PDGFC: variants seen among roughly 807,000 people sequenced by gnomAD.
The protein encoded by PDGFC is platelet derived growth factor C.
Under a neutral mutation model 35.5 loss-of-function variants are expected in PDGFC, and 12 were observed. That is an observed-to-expected ratio of 0.34 (90% CI 0.22 to 0.55). The LOEUF is 0.55. Among genes scored for constraint, PDGFC ranks in the 20% least tolerant of loss-of-function variants. The pLI, the probability that PDGFC is intolerant of heterozygous loss-of-function variation, is 0.91. For missense variants in PDGFC, 322 were observed against 412.4 expected (o/e 0.78, Z 1.90); for synonymous variants, 159 against 148.8 (o/e 1.07, Z -0.50).
At chr4:156,919,948 G>A (rs570870664) in intron 1 of PDGFC, among the ~76,000 whole-genome samples, 35 of 152,218 alleles carry the variant, frequency 2.3e-4, no homozygotes, top group Middle Eastern at 3.4e-3. Context: ...TGAATGGATT[G>A]GTGTCCTCCC....
intron 3 of PDGFC, among the ~76,000 whole-genome samples, chr4:156,793,652 T>A (rs918717202): frequency 2.0e-5 from 3 of 150,906 alleles, no homozygotes; most frequent in Non-Finnish European, 3.0e-5. Flanking sequence ...AAAAATTTTT[T>A]AAATACCAAT....
intron 2 of PDGFC, among the ~76,000 whole-genome samples, chr4:156,821,113 G>A (rs1732240296): frequency 2.0e-5 from 3 of 151,954 alleles, no homozygotes; most frequent in East Asian, 1.9e-4. Flanking sequence ...GGACAAGATG[G>A]CTTGGAGTAT....
At chr4:156,804,482 A>G (rs1474647615) in intron 3 of PDGFC, among the ~76,000 whole-genome samples, 1 of 151,778 alleles carries the variant, frequency 6.6e-6, no homozygotes, top group Non-Finnish European at 1.5e-5. Context: ...TTGCTTATTG[A>G]TTTTTTTCTT....
intron 1 of PDGFC, among the ~76,000 whole-genome samples, chr4:156,886,318 T>A (rs1430023448): frequency 1.3e-5 from 2 of 152,202 alleles, no homozygotes; most frequent in Non-Finnish European, 2.9e-5. Flanking sequence ...TTGCAATAAG[T>A]GCAGTATTCC....
chr4:156,851,370 A>C (rs1729447638), intron 1 of PDGFC, among the ~76,000 whole-genome samples: 1 of 152,234 alleles, frequency 6.6e-6, no homozygotes, highest in Non-Finnish European at 1.5e-5. Flanking sequence ...AGTATAGTAC[A>C]AAATGGCTTC....
intron 1 of PDGFC, among the ~76,000 whole-genome samples, chr4:156,866,116 C>T (rs1729835105): frequency 6.6e-6 from 1 of 152,118 alleles, no homozygotes; most frequent in African/African-American, 2.4e-5. Flanking sequence ...CTGCCCCCAC[C>T]CGAGGACAGT....
At chr4:156,878,975 T>G (rs1730180165) in intron 1 of PDGFC, among the ~76,000 whole-genome samples, 1 of 152,228 alleles carries the variant, frequency 6.6e-6, no homozygotes, top group South Asian at 2.1e-4. Flanking sequence ...GGAAACATGT[T>G]TGACTTTAAA....
At chr4:156,904,430 C>T (rs139459032) in intron 1 of PDGFC, among the ~76,000 whole-genome samples, 2,487 of 152,056 alleles carry the variant, frequency 0.016, 76 homozygotes, top group African/African-American at 0.057. Context: ...TAAAATAACA[C>T]CTGGGAAGTG....
intron 1 of PDGFC, among the ~76,000 whole-genome samples, chr4:156,859,983 G>C (rs1176022699): frequency 6.6e-6 from 1 of 152,096 alleles, no homozygotes; most frequent in East Asian, 1.9e-4. Context: ...AAATTCTTCA[G>C]CAACAGCTAG....
At chr4:156,958,054 T>G (rs1732252651) in intron 1 of PDGFC, among the ~76,000 whole-genome samples, 1 of 152,018 alleles carries the variant, frequency 6.6e-6, no homozygotes. Context: ...CTAAATAATC[T>G]TGCCTTTCTC....
At position 156,832,905 on chromosome 4, in the gene PDGFC, C is replaced by T. The variant is rs560273383; in HGVS notation, c.314+17316G>A. On this transcript the variant is annotated intron_variant, in intron 2 of 5. Coordinates refer to ENST00000502773, the MANE Select transcript of PDGFC (RefSeq NM_016205.3). ...GCTGGCCCCTGGGGGACTACTTATA[C>T]TTTTCAGTTAAATGTAATCCATTTA... Among the ~76,000 whole-genome samples the T allele has an allele frequency of 2.6e-5, 4 of 152,282 alleles. No homozygotes were observed. The East Asian group carries it at 5.8e-4, about 22-fold the overall frequency.
At chr4:156,881,488 C>T (rs570514553) in intron 1 of PDGFC, among the ~76,000 whole-genome samples, 8 of 152,128 alleles carry the variant, frequency 5.3e-5, no homozygotes, top group East Asian at 1.9e-4. Context: ...AGGGACCCAG[C>T]GGGAGATAAC....
At chr4:156,828,306 T>A (rs10019734) in intron 2 of PDGFC, among the ~76,000 whole-genome samples, 9,038 of 152,200 alleles carry the variant, frequency 0.059, 886 homozygotes, top group African/African-American at 0.21. Flanking sequence ...CCCATCTCAC[T>A]CTTCTGATAC....
intron 2 of PDGFC, among the ~76,000 whole-genome samples, chr4:156,818,749 GC>G (rs1732166044): frequency 6.6e-6 from 1 of 151,944 alleles, no homozygotes; most frequent in South Asian, 2.1e-4. Flanking sequence ...TGATCCGCCC[GC>G]CTGGGCCTCC....
chr4:156,870,265 T>G (rs1448158866), intron 1 of PDGFC, among the ~76,000 whole-genome samples: 1 of 152,172 alleles, frequency 6.6e-6, no homozygotes, highest in Non-Finnish European at 1.5e-5. Flanking sequence ...GTTTTTTCTC[T>G]TATTAGCTTA....
intron 1 of PDGFC, among the ~76,000 whole-genome samples, chr4:156,870,643 T>G (rs1411163459): frequency 1.3e-5 from 2 of 151,870 alleles, no homozygotes; most frequent in African/African-American, 4.8e-5. Flanking sequence ...AATCCAAATT[T>G]ATTTAATACG....
chr4:156,815,323 T>TACACAC lies in PDGFC; in HGVS notation c.315-4312_315-4307dup, dbSNP rs3042796. 1.7e-3 allele frequency among the ~76,000 whole-genome samples: 249 copies of TACACAC among 145,090 alleles called. 1 individual carries two copies. Among genetic ancestry groups the TACACAC allele is most frequent in the South Asian group, 5.2e-3 (23 of 4,446 alleles). On this transcript the variant is annotated intron_variant, in intron 2 of 5. Transcript: ENST00000502773. ...TAAAGTTATTAATGAAATAATTTTT[T>TACACAC]ACACACACACACACACACACACACA...
chr4:156,790,942 C>T (rs1431493776), intron 3 of PDGFC, among the ~76,000 whole-genome samples: 1 of 152,158 alleles, frequency 6.6e-6, no homozygotes, highest in East Asian at 1.9e-4. Context: ...ATTTTACATC[C>T]TACATTGGCA....
intron 1 of PDGFC, among the ~76,000 whole-genome samples, chr4:156,897,974 TAAG>T (rs1426263523): frequency 1.3e-5 from 2 of 152,174 alleles, no homozygotes; most frequent in African/African-American, 4.8e-5. Flanking sequence ...ATTTTGCATG[TAAG>T]AAGATGAACT....
Sources: allele counts gnomAD v4.1 joint callset (sites outside exome capture counted in the v4.1 genomes callset), GRCh38; gene constraint gnomAD v4.1.1; transcripts MANE v1.5; gene names NCBI Gene and HGNC (gene_info 2026-07-23, HGNC 2026-07-21).